The following COMT variants were observed in gnomAD, a reference collection of about 807,000 sequenced individuals.
COMT encodes catechol-O-methyltransferase.
COMT carries 13 observed loss-of-function variants against 18.9 expected under a neutral mutation model. That is an observed-to-expected ratio of 0.69 (90% confidence interval 0.45 to 1.09). COMT has a LOEUF of 1.09. Among genes scored for constraint, COMT ranks in the 50% least tolerant of loss-of-function variants. The pLI, the probability that COMT is intolerant of heterozygous loss-of-function variation, is 0.00. For missense variants in COMT, 329 were observed against 361.8 expected (o/e 0.91, Z 0.73); for synonymous variants, 150 against 160.9 (o/e 0.93, Z 0.51).
chr22:19,948,950 G>C (rs1370819706), intron 1 of COMT, among the ~76,000 whole-genome samples: 1 of 75,526 alleles, frequency 1.3e-5, no homozygotes, highest in Non-Finnish European at 2.5e-5. Context: ...GCGAGACTCT[G>C]TCTCAAAAAA....
At chr22:19,946,220 C>G (rs1162690334) in intron 1 of COMT, among the ~76,000 whole-genome samples, 2 of 152,048 alleles carry the variant, frequency 1.3e-5, no homozygotes, top group African/African-American at 4.8e-5. Context: ...GGTGCAGTGG[C>G]TCAGGCCTGT....
intron 1 of COMT, among the ~76,000 whole-genome samples, chr22:19,958,188 G>A (rs1025261758): frequency 4.2e-5 from 6 of 141,630 alleles, no homozygotes; most frequent in South Asian, 4.4e-4. Flanking sequence ...TTTTTGAGAC[G>A]GGGTCTTGCT....
At chr22:19,961,596 G>C (rs543339834) in intron 2 of COMT, 2 of 152,398 alleles carry the variant, frequency 1.3e-5, no homozygotes, top group South Asian at 4.1e-4. Flanking sequence ...CAGAGAGTGG[G>C]ATCTCCTATG....
rs529860138 is a variant in COMT at position 19,969,576 on chromosome 22, A to G, written c.*840A>G. The G allele has an allele frequency of 2.6e-5, 4 of 153,066 alleles. No homozygotes were observed. The East Asian group carries it at 5.8e-4, about 22-fold the overall frequency. The allele number at this position is 153,066 out of a possible 1,614,324, so 9.5% of individuals were successfully genotyped here. ...GCCACCTCAGAGGCTCCAAGGGCCC[A>G]GTTCCCAGGCCCAGGACAGGAATCA... is the stretch of plus-strand genomic sequence containing the variant. On this transcript the variant is annotated 3_prime_UTR_variant, in exon 6 of 6. Coordinates refer to ENST00000361682, the MANE Select transcript of COMT (RefSeq NM_000754.4).
intron 2 of COMT, 175 bp from the exon 3 acceptor site, chr22:19,962,352 A>G: frequency 1.7e-6 from 2 of 1,176,344 alleles, no homozygotes; most frequent in Non-Finnish European, 2.4e-6. Flanking sequence ...AGAGGGCACG[A>G]GAAGGCTGGC....
intron 5 of COMT, 145 bp from the exon 6 acceptor site, chr22:19,968,391 C>T (rs76296330): frequency 5.1e-6 from 4 of 779,252 alleles, no homozygotes; most frequent in Middle Eastern, 7.0e-4. Flanking sequence ...GCAGGAGTCA[C>T]GCTGGGCAGA....
intron 1 of COMT, among the ~76,000 whole-genome samples, chr22:19,958,802 G>A (rs1340940408): frequency 6.6e-6 from 1 of 151,644 alleles, no homozygotes; most frequent in Non-Finnish European, 1.5e-5. Flanking sequence ...TGAGGCAGGA[G>A]GATCCCTTGA....
intron 1 of COMT, among the ~76,000 whole-genome samples, chr22:19,945,305 G>A (rs1941818638): frequency 6.6e-6 from 1 of 152,152 alleles, no homozygotes; most frequent in Admixed American, 6.6e-5. Flanking sequence ...AACCCCGTAA[G>A]CCACATACCA....
intron 1 of COMT, among the ~76,000 whole-genome samples, chr22:19,959,204 A>C (rs1243701084): frequency 6.6e-6 from 1 of 152,218 alleles, no homozygotes; most frequent in Admixed American, 6.5e-5. Context: ...GGCTGGGAAC[A>C]TCCGAGCAGC....
intron 1 of COMT, among the ~76,000 whole-genome samples, chr22:19,946,787 GGCAGA>G (rs1941842110): frequency 6.6e-6 from 1 of 151,950 alleles, no homozygotes; most frequent in Non-Finnish European, 1.5e-5. Context: ...ACATGTCATT[GGCAGA>G]AGGGTATTCA....
rs1410177647 is a variant in COMT, at chr22:19,963,619, C to T, written c.343C>T (p.Leu115=). 1 of 1,612,940 alleles carries T rather than the reference C, an allele frequency of 6.2e-7. No individual in the cohort carries two copies. Among genetic ancestry groups the T allele is most frequent in the African/African-American group, 1.3e-5 (1 of 74,924 alleles). The part of the protein sequence containing the change: ...QEHQPSVLLE[L]GAYCGYSAVR... The stretch of plus-strand genomic sequence containing the variant: ...GCACCAGCCCTCCGTGCTGCTGGAG[C>T]TGGGGGCCTACTGTGGCTACTCAGC... The change falls in exon 4 of 6, where the codon CTG becomes TTG. Residue 115 remains leucine (L), a synonymous_variant. Coordinates refer to ENST00000361682, the MANE Select transcript of COMT (RefSeq NM_000754.4).
At chr22:19,967,178 T>C in intron 5 of COMT, 9 of 1,304,714 alleles carry the variant, frequency 6.9e-6, no homozygotes, top group Non-Finnish European at 9.1e-6. Context: ...AGTGGTCTGG[T>C]GTCTTTCAGT....
At chr22:19,964,715 A>C (rs1942298029) in intron 5 of COMT, 2 of 509,194 alleles carry the variant, frequency 3.9e-6, no homozygotes. Flanking sequence ...TCTCCTGCAG[A>C]TCTTCCTCCT....
chr22:19,945,294 G>C (rs978882126), intron 1 of COMT, among the ~76,000 whole-genome samples: 1 of 152,164 alleles, frequency 6.6e-6, no homozygotes, highest in African/African-American at 2.4e-5. Flanking sequence ...GTAAGACCAA[G>C]AACCCCGTAA....
chr22:19,964,022 TA>T, intron 4 of COMT, 145 bp from the exon 5 acceptor site: 1 of 1,528,906 alleles, frequency 6.5e-7, no homozygotes, highest in Non-Finnish European at 9.0e-7. Flanking sequence ...CCCAGAACCC[TA>T]AAGAAAACTG....
At chr22:19,946,299 C>T (rs1230727972) in intron 1 of COMT, among the ~76,000 whole-genome samples, 2 of 152,114 alleles carry the variant, frequency 1.3e-5, no homozygotes, top group Admixed American at 6.5e-5. Context: ...CCAGCTTGGC[C>T]AACATGGTGA....
chr22:19,967,035 G>C, intron 5 of COMT: 1 of 1,205,016 alleles, frequency 8.3e-7, no homozygotes, highest in African/African-American at 1.6e-5. Flanking sequence ...TCGGGCGACA[G>C]GCAGGACAGG....
At position 19,968,846 on chromosome 22, in the gene COMT, C is replaced by T. The variant is rs1447166416; in HGVS notation, c.*110C>T. 3 of 1,041,136 alleles carry T rather than the reference C, an allele frequency of 2.9e-6. No individual in the cohort carries two copies. The highest frequency in any genetic ancestry group is 4.3e-6 in the Non-Finnish European group (3 of 696,708). The allele number at this position is 1,041,136 out of a possible 1,614,324, so 64.5% of individuals were successfully genotyped here. ...TCCGGGCTGTGTCCTAAATGCAAAG[C>T]ACACCTCGGCCGAGGCCTGCGCCCT... is the stretch of plus-strand genomic sequence containing the variant. On this transcript the variant is annotated 3_prime_UTR_variant, in exon 6 of 6. Coordinates refer to ENST00000361682, the MANE Select transcript of COMT (RefSeq NM_000754.4).
At position 19,956,622 on chromosome 22, in the gene COMT, C is replaced by T. The variant is rs149425443; in HGVS notation, c.-91-4577C>T. 2.4e-3 allele frequency among the ~76,000 whole-genome samples: 364 copies of T among 152,296 alleles called. 2 individuals are homozygous for T. The highest frequency in any genetic ancestry group is 3.2e-3 in the Non-Finnish European group (218 of 68,028). ...CGAAATCCTGACCTTGTGGTCTGCC[C>T]GCCTTGGCCTCCCAAAGTGCTGGGA... On this transcript the variant is annotated intron_variant, in intron 1 of 5. Transcript: ENST00000361682.
Sources: allele counts gnomAD v4.1 joint callset (sites outside exome capture counted in the v4.1 genomes callset), GRCh38; gene constraint gnomAD v4.1.1; transcripts MANE v1.5; gene names NCBI Gene and HGNC (gene_info 2026-07-23, HGNC 2026-07-21).